The following HSD17B4 variants were observed in gnomAD, a reference collection of about 807,000 sequenced individuals.
HSD17B4 encodes peroxisomal multifunctional enzyme type 2.
A neutral mutation model predicts 101.0 loss-of-function variants in HSD17B4; 70 were observed. That is an observed-to-expected ratio of 0.69 (90% CI 0.57 to 0.85). The LOEUF (loss-of-function observed/expected upper bound fraction) is 0.85, where lower values mean the gene tolerates loss of function less well. HSD17B4 is among the 40% of genes least tolerant of loss of function. HSD17B4 has a pLI of 0.00. For synonymous variants in HSD17B4, 347 were observed against 297.1 expected, an observed-to-expected ratio of 1.17 and a Z score of -1.73; for missense variants, 984 against 892.4, an observed-to-expected ratio of 1.10 and a Z score of -1.31.
Position 119,496,618 on chromosome 5 carries a change from G to T in HSD17B4, c.944G>T (p.Arg315Leu), listed in dbSNP as rs878863609. The T allele has an allele frequency of 6.2e-7, 1 of 1,602,612 alleles. No homozygotes were observed. ...EGGVSANHTS[R>L]ATSTATSGFA... ...GGAGTTTCAGCAAATCATACTAGTC[G>T]TGCAACGTCTACAGCAACATCAGGA... Residue 315 changes from arginine (R) to leucine (L), a missense_variant, in exon 12 of 24, where the codon CGT (arginine) becomes CTT (leucine). By Grantham distance (102) the Arg-to-Leu change is moderately radical. Transcript: ENST00000510025.
At chr5:119,469,648 C>T (rs1319786976) in intron 2 of HSD17B4, among the ~76,000 whole-genome samples, 1 of 152,200 alleles carries the variant, frequency 6.6e-6, no homozygotes, top group East Asian at 1.9e-4. Flanking sequence ...AGCCACTGCA[C>T]CTGGCCTGTT....
At chr5:119,454,576 G>A (rs1406896573) in intron 1 of HSD17B4, among the ~76,000 whole-genome samples, 1 of 151,888 alleles carries the variant, frequency 6.6e-6, no homozygotes, top group Admixed American at 6.6e-5. Context: ...TCTAAAATAA[G>A]TTATTTGGTG....
chr5:119,476,241 T>C (rs1748568343), intron 6 of HSD17B4, among the ~76,000 whole-genome samples: 1 of 152,182 alleles, frequency 6.6e-6, no homozygotes, highest in Admixed American at 6.5e-5. Flanking sequence ...AGGAGCAGGA[T>C]ATTTAAGGGA....
At chr5:119,471,484 TC>T (rs1171147135) in intron 2 of HSD17B4, among the ~76,000 whole-genome samples, 3 of 152,120 alleles carry the variant, frequency 2.0e-5, no homozygotes, top group Non-Finnish European at 2.9e-5. Flanking sequence ...TTTATCCAAT[TC>T]CACTTTCAAC....
intron 17 of HSD17B4, among the ~76,000 whole-genome samples, chr5:119,518,892 G>A (rs1752876147): frequency 1.3e-5 from 2 of 152,224 alleles, no homozygotes; most frequent in African/African-American, 2.4e-5. Flanking sequence ...CCAGCACTTT[G>A]GGAGGCTGAG....
In HSD17B4 at chr5:119,531,273, A is replaced by G. The variant is rs747337076; in HGVS notation, c.1862A>G (p.Lys621Arg). 2 of 1,613,654 alleles carry G rather than the reference A, an allele frequency of 1.2e-6. No individual in the cohort carries two copies. Among genetic ancestry groups the G allele is most frequent in the Admixed American group, 3.3e-5 (2 of 59,942 alleles). The change falls in exon 22 of 24, where the codon AAG (lysine) becomes AGG (arginine). Residue 621 changes from lysine (K) to arginine (R), a missense_variant. By Grantham distance (26) the Lys-to-Arg change is conservative. Coordinates refer to ENST00000510025, the MANE Select transcript of HSD17B4 (RefSeq NM_000414.4). ...TSAKTPSEGG[K>R]LQSTFVFEEI... ...TTTTGTTGTCGTTGTTAGGGCGGGA[A>G]GCTTCAGAGTACCTTTGTATTTGAG...
At chr5:119,453,580 A>T (rs944414006) in intron 1 of HSD17B4, among the ~76,000 whole-genome samples, 6 of 152,234 alleles carry the variant, frequency 3.9e-5, no homozygotes, top group Non-Finnish European at 8.8e-5. Context: ...TTATACCTGG[A>T]AAGGCCCTAA....
intron 5 of HSD17B4, 39 bp from the exon 6 acceptor site, chr5:119,475,785 A>T (rs773104281): frequency 1.3e-6 from 2 of 1,581,548 alleles, no homozygotes; most frequent in Non-Finnish European, 1.7e-6. Flanking sequence ...AAAAGTATAT[A>T]CTTTCCTCCT....
intron 16 of HSD17B4, among the ~76,000 whole-genome samples, chr5:119,512,515 C>T (rs180694829): frequency 2.7e-5 from 4 of 149,320 alleles, no homozygotes; most frequent in African/African-American, 9.9e-5. Context: ...TCATCAGAAA[C>T]AATGGAAGTC....
chr5:119,463,896 C>T (rs1442849932), intron 2 of HSD17B4, among the ~76,000 whole-genome samples: 1 of 151,908 alleles, frequency 6.6e-6, no homozygotes, highest in Non-Finnish European at 1.5e-5. Context: ...GTCTCAAACT[C>T]CTCATCTCAA....
intron 16 of HSD17B4, among the ~76,000 whole-genome samples, chr5:119,510,424 G>A (rs998279631): frequency 4.6e-5 from 7 of 152,012 alleles, no homozygotes; most frequent in South Asian, 2.1e-4. Flanking sequence ...TGGATTTCAC[G>A]TTAATCTGGC....
intron 16 of HSD17B4, among the ~76,000 whole-genome samples, chr5:119,513,782 T>C (rs1452944142): frequency 6.6e-6 from 1 of 152,214 alleles, no homozygotes; most frequent in Non-Finnish European, 1.5e-5. Context: ...TGTCAAGTCA[T>C]GGTGAAGCCC....
chr5:119,487,448 T>C (rs1306767804), intron 8 of HSD17B4: 1 of 152,016 alleles, frequency 6.6e-6, no homozygotes, highest in Non-Finnish European at 1.5e-5. Context: ...TATATCTTAA[T>C]AGCTATGGGA....
rs544708917 is a variant in HSD17B4 at position 119,513,131 on chromosome 5, G to A, written c.1438-1850G>A. Among the ~76,000 whole-genome samples, 150 of 152,272 alleles carry A rather than the reference G, an allele frequency of 9.9e-4. 1 individual carries two copies. The South Asian group carries it at 0.03, about 31-fold the overall frequency. ...CAGGTATTAAATGGGTATTATTTACGTGAAGTTGTATCTATTCACAGGTAG... is the reference window on the plus strand; with the variant it reads ...CAGGTATTAAATGGGTATTATTTACATGAAGTTGTATCTATTCACAGGTAG... On this transcript the variant is annotated intron_variant, in intron 16 of 23. Transcript: ENST00000510025.
At chr5:119,499,581 G>T (rs746500852) in intron 13 of HSD17B4, 28 bp downstream of exon 13, 6 of 1,324,274 alleles carry the variant, frequency 4.5e-6, no homozygotes, top group South Asian at 1.2e-5. Context: ...CCTTTATTTT[G>T]CTTTTCTATT....
chr5:119,476,773 C>G lies in HSD17B4; in HGVS notation c.350-644C>G, dbSNP rs888943629. The G allele has an allele frequency of 3.5e-6, 3 of 848,248 alleles. No homozygotes were observed. In the African/African-American group the frequency reaches 5.5e-5, roughly 16 times the overall value. 52.5% of individuals were successfully genotyped at this position (848,248 alleles called of 1,614,324 possible). A position where few individuals can be genotyped will look rare whatever the true frequency, so the allele number is the denominator to read the frequency against. On this transcript the variant is annotated intron_variant, in intron 6 of 23. Transcript: ENST00000510025. ...CTACTAAGCCACTACTCCTGACTACCCTTCTCCCTCTCTTTCTTTTTTTTA... is the reference window on the plus strand; with the variant it reads ...CTACTAAGCCACTACTCCTGACTACGCTTCTCCCTCTCTTTCTTTTTTTTA...
chr5:119,540,513 T>G (rs1754902336), intron 23 of HSD17B4, among the ~76,000 whole-genome samples: 1 of 152,238 alleles, frequency 6.6e-6, no homozygotes, highest in Admixed American at 6.5e-5. Flanking sequence ...TAAATCTCTT[T>G]CAGAGTTTAG....
chr5:119,479,104 G>A, intron 8 of HSD17B4, 83 bp downstream of exon 8: 1 of 1,002,626 alleles, frequency 1.0e-6, no homozygotes, highest in East Asian at 2.5e-5. Flanking sequence ...TTAATTTTCT[G>A]AATACTTAAA....
At chr5:119,526,282 T>TTA (rs369231282) in intron 19 of HSD17B4, among the ~76,000 whole-genome samples, 79 of 59,356 alleles carry the variant, frequency 1.3e-3, no homozygotes, top group Admixed American at 2.7e-3. Context: ...GGTGCATATA[T>TTA]TATATATATA....
Sources: gnomAD v4.1 joint callset for allele counts (sites outside exome capture counted in the v4.1 genomes callset) on GRCh38, gnomAD v4.1.1 for gene constraint, MANE v1.5 for transcripts, NCBI Gene and HGNC (gene_info 2026-07-23, HGNC 2026-07-21) for gene names.